SMYD3: variants seen among roughly 807,000 people sequenced by gnomAD.
The protein encoded by SMYD3 is SET and MYND domain containing 3.
In SMYD3, 36 loss-of-function variants were observed where a neutral mutation model predicts 57.7. The observed-to-expected ratio is 0.62, with a 90% confidence interval of 0.48 to 0.82. The LOEUF is 0.82. Ranked by LOEUF, SMYD3 falls within the 40% of genes least tolerant of loss-of-function variation. SMYD3 has a pLI of 0.00. For synonymous variants in SMYD3, 211 were observed against 195.0 expected, an observed-to-expected ratio of 1.08 and a Z score of -0.68; for missense variants, 515 against 538.8, an observed-to-expected ratio of 0.96 and a Z score of 0.44.
At chr1:245,947,415 C>A (rs930745707) in intron 5 of SMYD3, 2 of 457,016 alleles carry the variant, frequency 4.4e-6, no homozygotes, top group Admixed American at 4.7e-5. Context: ...CATATCCCCC[C>A]AAAACGAACC....
chr1:245,875,211 T>A (rs376000045), intron 8 of SMYD3, among the ~76,000 whole-genome samples: 2 of 152,264 alleles, frequency 1.3e-5, no homozygotes, highest in East Asian at 3.8e-4. Flanking sequence ...TCCACCTCCA[T>A]TCTCTTGTAA....
chr1:245,814,308 C>T lies in SMYD3; in HGVS notation c.1076+44188G>A, dbSNP rs1474371294. 4.4e-6 allele frequency: 4 copies of T among 912,494 alleles called. No homozygotes were observed. The African/African-American group carries it at 7.2e-5, about 16-fold the overall frequency. 56.5% of individuals were successfully genotyped at this position (912,494 alleles called of 1,614,324 possible). On this transcript the variant is annotated intron_variant, in intron 10 of 11. Coordinates refer to ENST00000490107, the MANE Select transcript of SMYD3 (RefSeq NM_001167740.2). Reference sequence around the variant, plus strand: ...TACCTCCAATTATCCAAACCACTGTCTTCATAGGAATATAAGAAAATTAAG... The same window carrying T: ...TACCTCCAATTATCCAAACCACTGTTTTCATAGGAATATAAGAAAATTAAG...
chr1:246,397,806 G>C (rs1375120590), intron 1 of SMYD3, among the ~76,000 whole-genome samples: 1 of 152,060 alleles, frequency 6.6e-6, no homozygotes, highest in Non-Finnish European at 1.5e-5. Context: ...GGGGGACAGG[G>C]AATGGGGAAT....
chr1:245,888,800 G>C (rs553679924), intron 8 of SMYD3, among the ~76,000 whole-genome samples: 3 of 152,296 alleles, frequency 2.0e-5, no homozygotes, highest in Non-Finnish European at 2.9e-5. Flanking sequence ...AGGTTTTAAA[G>C]ACAGAGTGAA....
chr1:246,485,634 T>A (rs1999847), intron 1 of SMYD3, among the ~76,000 whole-genome samples: 148,448 of 151,930 alleles, frequency 0.98, 72,575 homozygotes, highest in Non-Finnish European at 0.99. Context: ...ACAAAAAAAA[T>A]TTTTTTTAAA....
intron 1 of SMYD3, among the ~76,000 whole-genome samples, chr1:246,430,360 G>A (rs6699775): frequency 0.44 from 66,381 of 152,150 alleles, 15,211 homozygotes; most frequent in Admixed American, 0.54. Context: ...CTATTTAAGA[G>A]AGGAAGGCAA....
At chr1:246,205,062 C>T (rs1018740566) in intron 5 of SMYD3, among the ~76,000 whole-genome samples, 7 of 152,176 alleles carry the variant, frequency 4.6e-5, no homozygotes, top group African/African-American at 1.4e-4. Flanking sequence ...CTGAATTTAG[C>T]CTCTTCTCAT....
intron 5 of SMYD3, among the ~76,000 whole-genome samples, chr1:246,187,339 G>A (rs938727648): frequency 1.3e-5 from 2 of 151,718 alleles, no homozygotes; most frequent in Admixed American, 6.6e-5. Flanking sequence ...GGAATGAAGA[G>A]TGGAAAAGAT....
chr1:246,440,950 G>GCC (rs1343131856), intron 1 of SMYD3, among the ~76,000 whole-genome samples: 1 of 152,116 alleles, frequency 6.6e-6, no homozygotes, highest in African/African-American at 2.4e-5. Context: ...GACTATATAT[G>GCC]CCTACTGCTT....
chr1:245,984,287 T>C (rs1171367749), intron 5 of SMYD3, among the ~76,000 whole-genome samples: 1 of 152,226 alleles, frequency 6.6e-6, no homozygotes, highest in African/African-American at 2.4e-5. Flanking sequence ...CATAAGCTAC[T>C]GACCCAGCCC....
chr1:246,069,498 A>C (rs947062978), intron 5 of SMYD3, among the ~76,000 whole-genome samples: 7 of 152,218 alleles, frequency 4.6e-5, no homozygotes, highest in Admixed American at 4.6e-4. Context: ...TTTGCCAATA[A>C]ACTATGCTGT....
intron 10 of SMYD3, among the ~76,000 whole-genome samples, chr1:245,804,809 C>G (rs1442814116): frequency 6.6e-6 from 1 of 152,174 alleles, no homozygotes; most frequent in African/African-American, 2.4e-5. Context: ...GCAGCCCTCA[C>G]CAGGCGCTGA....
chr1:245,903,559 C>G (rs2054337783), intron 8 of SMYD3, among the ~76,000 whole-genome samples: 1 of 152,284 alleles, frequency 6.6e-6, no homozygotes, highest in Admixed American at 6.5e-5. Flanking sequence ...TTTTAACTTC[C>G]TATTGCGAAA....
chr1:246,345,789 C>T (rs986947895), intron 2 of SMYD3, among the ~76,000 whole-genome samples: 2 of 152,308 alleles, frequency 1.3e-5, no homozygotes, highest in Admixed American at 6.5e-5. Context: ...GCCATACATC[C>T]TCTGTCTGGC....
chr1:246,337,396 T>C (rs1249579010), intron 2 of SMYD3, among the ~76,000 whole-genome samples: 1 of 152,232 alleles, frequency 6.6e-6, no homozygotes, highest in African/African-American at 2.4e-5. Flanking sequence ...TATATCTATA[T>C]ATTTTTTTTC....
chr1:245,900,322 A>G (rs1190170395), intron 8 of SMYD3, among the ~76,000 whole-genome samples: 1 of 152,200 alleles, frequency 6.6e-6, no homozygotes, highest in Non-Finnish European at 1.5e-5. Flanking sequence ...ACCATTCTGA[A>G]CAACAAAGTA....
At chr1:246,037,846 T>C (rs962319082) in intron 5 of SMYD3, among the ~76,000 whole-genome samples, 3 of 152,218 alleles carry the variant, frequency 2.0e-5, no homozygotes, top group Non-Finnish European at 4.4e-5. Context: ...TCTTTTCATA[T>C]TGATTTGTAG....
intron 1 of SMYD3, among the ~76,000 whole-genome samples, chr1:246,432,293 T>A (rs1360821245): frequency 3.3e-5 from 5 of 152,254 alleles, no homozygotes; most frequent in Non-Finnish European, 7.3e-5. Flanking sequence ...AACTTGGCTA[T>A]CTTTAAAAAA....
intron 1 of SMYD3, among the ~76,000 whole-genome samples, chr1:246,414,934 C>T (rs1314636180): frequency 6.6e-6 from 1 of 152,092 alleles, no homozygotes; most frequent in Non-Finnish European, 1.5e-5. Context: ...CCAGGCCAGT[C>T]TCGAACTCCT....
Sources: allele counts gnomAD v4.1 joint callset (sites outside exome capture counted in the v4.1 genomes callset), GRCh38; gene constraint gnomAD v4.1.1; transcripts MANE v1.5; gene names NCBI Gene and HGNC (gene_info 2026-07-23, HGNC 2026-07-21).